The following NPAS3 variants were observed in gnomAD, a reference collection of about 807,000 sequenced individuals.
NPAS3 encodes the protein neuronal PAS domain-containing protein 3.
In NPAS3, 14 loss-of-function variants were observed where a neutral mutation model predicts 73.1. That is an observed-to-expected ratio of 0.19 (90% CI 0.13 to 0.30). The LOEUF (loss-of-function observed/expected upper bound fraction) is 0.30. Among genes scored for constraint, NPAS3 ranks in the 10% least tolerant of loss-of-function variants. NPAS3 has a pLI of 1.00. For missense variants in NPAS3, 1,096 were observed against 1,250.0 expected, an observed-to-expected ratio of 0.88 and a Z score of 1.86; for synonymous variants, 620 against 541.5, an observed-to-expected ratio of 1.14 and a Z score of -2.01.
chr14:33,411,660 C>T (rs937842353), intron 4 of NPAS3, among the ~76,000 whole-genome samples: 1 of 152,202 alleles, frequency 6.6e-6, no homozygotes, highest in Non-Finnish European at 1.5e-5. Flanking sequence ...TACAATTTGT[C>T]TAAATCTCAG....
chr14:33,123,034 C>A (rs2043288191), intron 2 of NPAS3, among the ~76,000 whole-genome samples: 1 of 152,024 alleles, frequency 6.6e-6, no homozygotes, highest in South Asian at 2.1e-4. Context: ...CTGGGAAATA[C>A]TGGCCGGACT....
intron 3 of NPAS3, among the ~76,000 whole-genome samples, chr14:33,344,479 T>C (rs1335418522): frequency 6.6e-6 from 1 of 152,148 alleles, no homozygotes; most frequent in African/African-American, 2.4e-5. Context: ...AAGCCTGTAA[T>C]CTCCATGAAG....
At chr14:33,411,632 ACT>A (rs1253521565) in intron 4 of NPAS3, among the ~76,000 whole-genome samples, 1 of 152,076 alleles carries the variant, frequency 6.6e-6, no homozygotes, top group Non-Finnish European at 1.5e-5. Context: ...AGGTGAAGAA[ACT>A]CTATAGCTCT....
At chr14:33,231,731 T>C (rs2047857686) in intron 3 of NPAS3, among the ~76,000 whole-genome samples, 2 of 152,212 alleles carry the variant, frequency 1.3e-5, no homozygotes, top group African/African-American at 4.8e-5. Flanking sequence ...AACTCTCTTT[T>C]AATTATTCCT....
chr14:33,444,704 T>C (rs1235834033), intron 4 of NPAS3, among the ~76,000 whole-genome samples: 3 of 152,220 alleles, frequency 2.0e-5, no homozygotes, highest in Non-Finnish European at 4.4e-5. Flanking sequence ...GATCACATGA[T>C]TTTTATGCTT....
intron 4 of NPAS3, among the ~76,000 whole-genome samples, chr14:33,519,749 C>T (rs562717475): frequency 5.9e-5 from 9 of 152,248 alleles, no homozygotes; most frequent in South Asian, 2.1e-4. Flanking sequence ...CACACGTTCA[C>T]ATTCCTAGTC....
At chr14:33,395,221 C>T (rs973204698) in intron 4 of NPAS3, among the ~76,000 whole-genome samples, 4 of 152,032 alleles carry the variant, frequency 2.6e-5, no homozygotes, top group Admixed American at 1.3e-4. Context: ...TTTTGCATTT[C>T]GTAATCAGCA....
rs796430801 is a variant in NPAS3, at chr14:33,384,385, G to A, written c.468+17117G>A. 4.6e-4 allele frequency among the ~76,000 whole-genome samples: 70 copies of A among 150,638 alleles called. 1 individual carries two copies. The highest frequency in any genetic ancestry group is 1.7e-3 in the African/African-American group (69 of 41,038). On this transcript the variant is annotated intron_variant, in intron 4 of 11. Coordinates refer to ENST00000356141, the Ensembl canonical transcript of NPAS3. ...CACACAGTATTATTTTAATGTTTCT[G>A]TGTGTGTGTGTGTTTTTAATGTTTC... is the stretch of plus-strand genomic sequence containing the variant.
chr14:32,980,126 T>C (rs2037839578), intron 1 of NPAS3, among the ~76,000 whole-genome samples: 1 of 152,236 alleles, frequency 6.6e-6, no homozygotes, highest in Non-Finnish European at 1.5e-5. Context: ...TTGTGTGTCT[T>C]AATTAAAAAC....
intron 3 of NPAS3, among the ~76,000 whole-genome samples, chr14:33,347,633 A>C (rs568631264): frequency 6.6e-6 from 1 of 152,150 alleles, no homozygotes; most frequent in African/African-American, 2.4e-5. Context: ...ATCCATGGGG[A>C]ATTGGTTCCA....
chr14:33,800,230 C>G lies in NPAS3; in HGVS notation c.1923C>G (p.Asn641Lys). 6 of 1,613,016 alleles carry G rather than the reference C, an allele frequency of 3.7e-6. No homozygotes were observed. Among genetic ancestry groups the G allele is most frequent in the Middle Eastern group, 1.7e-4 (1 of 6,058 alleles). Residue 641 changes from asparagine to lysine, a missense_variant, in exon 12 of 12, where the codon AAC becomes AAG. Transcript: ENST00000356141. This position sits in a 1 kb window ranked among gnomAD's most constrained non-coding sequence, Gnocchi z 6.5. ...CCCCGCGGCTGCTGTCCTCCCCCAA[C>G]AGTGCCTCGGTGCTCAAGATCAAGA... is the stretch of plus-strand genomic sequence containing the variant.
At position 33,686,005 on chromosome 14, in the gene NPAS3, A is replaced by G. The variant is rs77947899; in HGVS notation, c.733+9620A>G. On this transcript the variant is annotated intron_variant, in intron 6 of 11. Coordinates refer to ENST00000356141, the Ensembl canonical transcript of NPAS3. ...AACAGATTATTATCATAGACTATTT[A>G]TACATAGTCGACAACTAGAGAAGGA... Among the ~76,000 whole-genome samples the G allele has an allele frequency of 9.5e-3, 1,451 of 152,324 alleles. 20 individuals are homozygous for G. The highest frequency in any genetic ancestry group is 0.033 in the African/African-American group (1,381 of 41,560).
intron 1 of NPAS3, among the ~76,000 whole-genome samples, chr14:32,976,534 C>G (rs1451928037): frequency 6.6e-6 from 1 of 152,146 alleles, no homozygotes; most frequent in Non-Finnish European, 1.5e-5. Flanking sequence ...AAATGTCTTA[C>G]TGATAGCGGT....
intron 5 of NPAS3, among the ~76,000 whole-genome samples, chr14:33,640,715 A>G (rs1259348484): frequency 2.0e-5 from 3 of 152,238 alleles, no homozygotes; most frequent in African/African-American, 4.8e-5. Flanking sequence ...ATGGGGGAGA[A>G]CAAGTATATT....
chr14:33,310,616 G>A (rs1211984574), intron 3 of NPAS3, among the ~76,000 whole-genome samples: 1 of 152,102 alleles, frequency 6.6e-6, no homozygotes, highest in Non-Finnish European at 1.5e-5. Flanking sequence ...CTGCTGTCAG[G>A]TGCCTGTCAC....
At chr14:33,616,133 G>A (rs949728133) in intron 5 of NPAS3, among the ~76,000 whole-genome samples, 2 of 152,134 alleles carry the variant, frequency 1.3e-5, no homozygotes, top group Non-Finnish European at 2.9e-5. Flanking sequence ...TTTACTCCTT[G>A]ACACTTTTCT....
chr14:33,396,309 A>G (rs1117363), intron 4 of NPAS3, among the ~76,000 whole-genome samples: 31,394 of 152,070 alleles, frequency 0.21, 3,416 homozygotes, highest in Admixed American at 0.29. Context: ...CTGTGCCTTT[A>G]ACATAGTCCC....
intron 4 of NPAS3, among the ~76,000 whole-genome samples, chr14:33,403,496 T>A (rs191510577): frequency 1.3e-5 from 2 of 152,226 alleles, no homozygotes; most frequent in Middle Eastern, 3.4e-3. Context: ...CCTTCACTGA[T>A]AAAATGGTAA....
intron 8 of NPAS3, among the ~76,000 whole-genome samples, chr14:33,775,220 C>T (rs1018427800): frequency 6.6e-6 from 1 of 152,052 alleles, no homozygotes; most frequent in Non-Finnish European, 1.5e-5. Flanking sequence ...AGTCAGCAGC[C>T]CCTTATCAGA....
Sources: gnomAD v4.1 joint callset for allele counts (sites outside exome capture counted in the v4.1 genomes callset) on GRCh38, gnomAD v4.1.1 for gene constraint, Gnocchi (gnomAD v3.1) non-coding constraint, MANE v1.5 for transcripts, NCBI Gene and HGNC (gene_info 2026-07-23, HGNC 2026-07-21) for gene names.